Variants in ZBTB20 observed in about 807,000 individuals in gnomAD.
ZBTB20 encodes zinc finger and BTB domain-containing protein 20.
In ZBTB20, 9 loss-of-function variants were observed where a neutral mutation model predicts 56.9. That is an observed-to-expected ratio of 0.16 (90% confidence interval 0.10 to 0.28). ZBTB20 has a LOEUF of 0.28. ZBTB20 is among the 10% of genes least tolerant of loss of function. The pLI is 1.00. For missense variants in ZBTB20, 655 were observed against 1,003.0 expected (o/e 0.65, Z 4.69); for synonymous variants, 417 against 420.7 (o/e 0.99, Z 0.11).
At chr3:115,118,215 G>T (rs1349444115) in intron 1 of ZBTB20, among the ~76,000 whole-genome samples, 5 of 149,774 alleles carry the variant, frequency 3.3e-5, no homozygotes, top group Non-Finnish European at 7.4e-5. Flanking sequence ...ATTTTTTAGA[G>T]ATGGAGTCTC....
At chr3:114,468,903 G>A (rs1055559644) in intron 7 of ZBTB20, among the ~76,000 whole-genome samples, 4 of 149,292 alleles carry the variant, frequency 2.7e-5, no homozygotes, top group African/African-American at 9.9e-5. Context: ...TCAAACTGGA[G>A]AGAACATGGT....
At chr3:114,445,621 A>G (rs543028975) in intron 7 of ZBTB20, 17 of 152,324 alleles carry the variant, frequency 1.1e-4, no homozygotes, top group African/African-American at 4.1e-4. Context: ...CGATAAATAT[A>G]TATCCAGTTA....
At chr3:114,509,274 C>T (rs1035184767) in intron 6 of ZBTB20, among the ~76,000 whole-genome samples, 4 of 152,128 alleles carry the variant, frequency 2.6e-5, no homozygotes, top group African/African-American at 9.7e-5. Context: ...CCAACCACAA[C>T]TTGCTCTCAG....
chr3:114,742,851 C>A (rs2066719532), intron 5 of ZBTB20, among the ~76,000 whole-genome samples: 1 of 152,060 alleles, frequency 6.6e-6, no homozygotes, highest in Non-Finnish European at 1.5e-5. Flanking sequence ...TGTTTCAAAG[C>A]CTTTCTGGGT....
chr3:115,050,813 T>C (rs189344525), intron 2 of ZBTB20, among the ~76,000 whole-genome samples: 3 of 152,200 alleles, frequency 2.0e-5, no homozygotes, highest in Admixed American at 1.3e-4. Flanking sequence ...TATCACTGTG[T>C]AGTTTTCCCT....
At chr3:114,479,532 C>T (rs2041283203) in intron 7 of ZBTB20, among the ~76,000 whole-genome samples, 1 of 152,196 alleles carries the variant, frequency 6.6e-6, no homozygotes, top group South Asian at 2.1e-4. Context: ...GAAGTATGGG[C>T]TCTAAATGAT....
chr3:114,558,249 T>G (rs1271013869), intron 6 of ZBTB20, among the ~76,000 whole-genome samples: 1 of 152,016 alleles, frequency 6.6e-6, no homozygotes, highest in Non-Finnish European at 1.5e-5. Flanking sequence ...GGAAGCACAC[T>G]TGTGATGAAC....
rs564528098 is a variant in ZBTB20, at chr3:115,140,125, C to T, written c.-703+7094G>A. 4.6e-5 allele frequency among the ~76,000 whole-genome samples: 7 copies of T among 151,858 alleles called. No homozygotes were observed. In the East Asian group the frequency reaches 1.4e-3, roughly 29 times the overall value. On this transcript the variant is annotated intron_variant, in intron 1 of 11. Transcript: ENST00000675478. ...CTCAGATGATTAGAACTGAAAATGA[C>T]CCTAAAAATGAAAAATCTAAGGTGC... is the stretch of plus-strand genomic sequence containing the variant.
intron 10 of ZBTB20, among the ~76,000 whole-genome samples, chr3:114,367,744 A>G (rs2108402489): frequency 6.6e-6 from 1 of 152,158 alleles, no homozygotes; most frequent in East Asian, 1.9e-4. Flanking sequence ...GTGTTTTGTA[A>G]TAAGATTATG....
intron 1 of ZBTB20, among the ~76,000 whole-genome samples, chr3:115,138,574 G>T (rs1023596873): frequency 3.3e-5 from 5 of 151,986 alleles, no homozygotes; most frequent in African/African-American, 1.2e-4. Flanking sequence ...AAGAGCTTAG[G>T]TTCTCCAGAG....
chr3:114,746,406 G>A (rs1029288605), intron 5 of ZBTB20, among the ~76,000 whole-genome samples: 4 of 151,798 alleles, frequency 2.6e-5, no homozygotes, highest in East Asian at 1.9e-4. Flanking sequence ...TATTTGAAGA[G>A]TCACTTGTCT....
intron 5 of ZBTB20, among the ~76,000 whole-genome samples, chr3:114,776,381 C>A (rs952237756): frequency 6.6e-6 from 1 of 152,058 alleles, no homozygotes. Context: ...CAGGAAGATT[C>A]CACATGGACA....
chr3:114,977,235 C>T (rs1035099739), intron 2 of ZBTB20, among the ~76,000 whole-genome samples: 1 of 152,174 alleles, frequency 6.6e-6, no homozygotes, highest in African/African-American at 2.4e-5. Flanking sequence ...AATGCAAGCA[C>T]AAGCCTTGCT....
chr3:114,693,712 A>T (rs981492318), intron 5 of ZBTB20, 137 bp from the exon 6 acceptor site: 2 of 152,132 alleles, frequency 1.3e-5, no homozygotes, highest in African/African-American at 4.8e-5. Context: ...AAAGTAAAGG[A>T]TGTTTCCCTT....
intron 5 of ZBTB20, among the ~76,000 whole-genome samples, chr3:114,696,551 G>C (rs900104827): frequency 6.6e-6 from 1 of 151,968 alleles, no homozygotes; most frequent in Non-Finnish European, 1.5e-5. Context: ...TTTTATGACC[G>C]CTTGAGAGGC....
chr3:115,012,366 A>G (rs2079756776), intron 2 of ZBTB20, among the ~76,000 whole-genome samples: 1 of 151,870 alleles, frequency 6.6e-6, no homozygotes, highest in South Asian at 2.1e-4. Context: ...AAATAAAAGG[A>G]TGGGAAAAGA....
At chr3:115,039,497 T>C (rs2081058744) in intron 2 of ZBTB20, among the ~76,000 whole-genome samples, 1 of 152,016 alleles carries the variant, frequency 6.6e-6, no homozygotes, top group African/African-American at 2.4e-5. Flanking sequence ...AGATGACGTG[T>C]TGCTTGAAAT....
intron 5 of ZBTB20, among the ~76,000 whole-genome samples, chr3:114,727,680 T>A (rs1194181817): frequency 6.6e-6 from 1 of 152,178 alleles, no homozygotes; most frequent in African/African-American, 2.4e-5. Context: ...ACAAAAAACA[T>A]GTTGTGTTTG....
chr3:114,552,114 TG>T (rs1035182362), intron 6 of ZBTB20, among the ~76,000 whole-genome samples: 1 of 151,860 alleles, frequency 6.6e-6, no homozygotes, highest in African/African-American at 2.4e-5. Context: ...ACTCAGGGGG[TG>T]AGGTGGGAGG....
Sources: allele counts gnomAD v4.1 joint callset (sites outside exome capture counted in the v4.1 genomes callset), GRCh38; gene constraint gnomAD v4.1.1; transcripts MANE v1.5; gene names NCBI Gene and HGNC (gene_info 2026-07-23, HGNC 2026-07-21).